Variants in LMBR1 observed in about 807,000 individuals in gnomAD.
LMBR1 encodes the protein limb region 1 protein homolog.
In LMBR1, 52 loss-of-function variants were observed where a neutral mutation model predicts 73.9. That is an observed-to-expected ratio of 0.70 (90% CI 0.56 to 0.89). LMBR1 has a LOEUF of 0.89. Ranked by LOEUF, LMBR1 falls within the 40% of genes least tolerant of loss-of-function variation. LMBR1 has a pLI of 0.00. For missense variants in LMBR1, 539 were observed against 579.8 expected (o/e 0.93, Z 0.72); for synonymous variants, 215 against 209.4 (o/e 1.03, Z -0.23).
At chr7:156,710,610 A>G (rs1188242265) in intron 15 of LMBR1, among the ~76,000 whole-genome samples, 2 of 152,258 alleles carry the variant, frequency 1.3e-5, no homozygotes, top group Admixed American at 1.3e-4. Flanking sequence ...ATTTGAGGGA[A>G]TAACTGAGGA....
intron 4 of LMBR1, among the ~76,000 whole-genome samples, chr7:156,819,316 A>G (rs1180814829): frequency 1.3e-5 from 2 of 152,234 alleles, no homozygotes; most frequent in African/African-American, 4.8e-5. Context: ...AAAAAGCATT[A>G]TCAACACATT....
Position 156,680,689 on chromosome 7 carries a change from A to T in LMBR1, c.*3389T>A, listed in dbSNP as rs1468407772. 1 of 157,410 alleles carries T rather than the reference A, an allele frequency of 6.4e-6. No homozygotes were observed. Among genetic ancestry groups the T allele is most frequent in the Non-Finnish European group, 1.4e-5 (1 of 71,760 alleles). The allele number at this position is 157,410 out of a possible 1,614,324, so 9.8% of individuals were successfully genotyped here. On this transcript the variant is annotated 3_prime_UTR_variant, in exon 17 of 17. Coordinates refer to ENST00000353442, the MANE Select transcript of LMBR1 (RefSeq NM_022458.4). The stretch of plus-strand genomic sequence containing the variant: ...GGTTATAAGAAATTGATCTACCAAT[A>T]ACTGCACAACAGAGAAAGAAAATAT...
chr7:156,888,340 G>A (rs2134588332), intron 1 of LMBR1, among the ~76,000 whole-genome samples: 1 of 151,518 alleles, frequency 6.6e-6, no homozygotes, highest in South Asian at 2.1e-4. Flanking sequence ...AACCGGGGGG[G>A]CGGAGCTTGC....
intron 1 of LMBR1, among the ~76,000 whole-genome samples, chr7:156,882,464 C>T (rs1801241323): frequency 6.6e-6 from 1 of 152,032 alleles, no homozygotes; most frequent in African/African-American, 2.4e-5. Context: ...CAAAATGCAA[C>T]AACATAGATG....
At position 156,672,654 on chromosome 7, in the gene LMBR1, C is replaced by T. The variant is rs564833360; in HGVS notation, n.867-3367G>A. Among the ~76,000 whole-genome samples the T allele has an allele frequency of 6.6e-5, 10 of 152,276 alleles. No homozygotes were observed. The South Asian group carries it at 1.7e-3, about 25-fold the overall frequency. On this transcript the variant is annotated intron_variant and non_coding_transcript_variant, in intron 4 of 4. Transcript: ENST00000430825. Reference sequence around the variant, plus strand: ...TGCTCCAGGCATCCTGTAGAGAGAGCGATACACTCACGTATGATAGAATAT... The same window carrying T: ...TGCTCCAGGCATCCTGTAGAGAGAGTGATACACTCACGTATGATAGAATAT...
intron 10 of LMBR1, among the ~76,000 whole-genome samples, chr7:156,733,380 T>C (rs1233246167): frequency 2.0e-5 from 3 of 152,250 alleles, no homozygotes; most frequent in South Asian, 4.1e-4. Context: ...GTAAGTGTTG[T>C]CATAACTATA....
intron 15 of LMBR1, among the ~76,000 whole-genome samples, chr7:156,717,735 T>G (rs2132276365): frequency 6.6e-6 from 1 of 152,260 alleles, no homozygotes; most frequent in South Asian, 2.1e-4. Flanking sequence ...TTCTTTTAAC[T>G]CTCTCTAGGC....
At chr7:156,872,840 G>A (rs1015796144) in intron 1 of LMBR1, among the ~76,000 whole-genome samples, 4 of 152,158 alleles carry the variant, frequency 2.6e-5, no homozygotes, top group Non-Finnish European at 5.9e-5. Context: ...GTGAACCTTT[G>A]CTCCGGAACT....
chr7:156,692,810 C>A (rs369033025), intron 15 of LMBR1, among the ~76,000 whole-genome samples: 2 of 152,094 alleles, frequency 1.3e-5, no homozygotes, highest in East Asian at 3.9e-4. Context: ...AGCAACTAAT[C>A]AAGAAATGAA....
At chr7:156,759,860 G>A (rs1822638385) in intron 8 of LMBR1, among the ~76,000 whole-genome samples, 1 of 152,208 alleles carries the variant, frequency 6.6e-6, no homozygotes, top group Admixed American at 6.5e-5. Flanking sequence ...CTACTAGTGT[G>A]TCGTTCCCCT....
intron 5 of LMBR1, among the ~76,000 whole-genome samples, chr7:156,786,515 C>T (rs755370548): frequency 3.3e-5 from 5 of 151,990 alleles, no homozygotes; most frequent in South Asian, 2.1e-4. Context: ...TACAGGTAGA[C>T]GAAAATATTA....
At position 156,745,471 on chromosome 7, in the gene LMBR1, T is replaced by C. The variant is rs61586066; in HGVS notation, c.757+10922A>G. Among the ~76,000 whole-genome samples, 154 of 152,350 alleles carry C rather than the reference T, an allele frequency of 1.0e-3. 1 individual carries two copies. The highest frequency in any genetic ancestry group is 3.6e-3 in the African/African-American group (150 of 41,586). On this transcript the variant is annotated intron_variant, in intron 9 of 16. Coordinates refer to ENST00000353442, the MANE Select transcript of LMBR1 (RefSeq NM_022458.4). ...GCTAAAAGGTACAGCAATTCAATTA[T>C]GTTCCTAGGGGCTAGGGACCAACTG...
chr7:156,729,657 T>A (rs181996538), intron 10 of LMBR1, among the ~76,000 whole-genome samples: 481 of 152,150 alleles, frequency 3.2e-3, no homozygotes, highest in African/African-American at 0.011. Flanking sequence ...GTATTTTTAG[T>A]AGAGACAGGG....
At chr7:156,724,613 A>G (rs960706209) in intron 14 of LMBR1, among the ~76,000 whole-genome samples, 1 of 152,158 alleles carries the variant, frequency 6.6e-6, no homozygotes, top group African/African-American at 2.4e-5. Context: ...AAAAAGCACC[A>G]GAAATCCAAA....
chr7:156,886,872 C>T (rs1801991028), intron 1 of LMBR1, among the ~76,000 whole-genome samples: 1 of 152,152 alleles, frequency 6.6e-6, no homozygotes, highest in Admixed American at 6.5e-5. Context: ...AACATTAATG[C>T]TGGTCAGCTG....
intron 8 of LMBR1, 85 bp from the exon 9 acceptor site, chr7:156,756,550 T>C (rs1821915049): frequency 1.4e-6 from 1 of 707,104 alleles, no homozygotes; most frequent in South Asian, 1.6e-5. Flanking sequence ...GGTCAATTTA[T>C]TTTAGGTAAC....
chr7:156,708,512 G>A (rs1811438376), intron 15 of LMBR1, among the ~76,000 whole-genome samples: 2 of 152,188 alleles, frequency 1.3e-5, no homozygotes, highest in African/African-American at 4.8e-5. Context: ...CAAGCCCAGG[G>A]AAGCCATCCC....
intron 10 of LMBR1, among the ~76,000 whole-genome samples, chr7:156,730,483 G>A (rs182629445): frequency 6.6e-6 from 1 of 152,332 alleles, no homozygotes; most frequent in East Asian, 1.9e-4. Flanking sequence ...ACTGAAGCCT[G>A]GCCTTGAATG....
At chr7:156,719,648 C>A (rs1814070496) in intron 15 of LMBR1, among the ~76,000 whole-genome samples, 1 of 152,074 alleles carries the variant, frequency 6.6e-6, no homozygotes, top group African/African-American at 2.4e-5. Context: ...ATCGCCAAGT[C>A]AATCCTAAGC....
Sources: allele counts gnomAD v4.1 joint callset (sites outside exome capture counted in the v4.1 genomes callset), GRCh38; gene constraint gnomAD v4.1.1; transcripts MANE v1.5; gene names NCBI Gene and HGNC (gene_info 2026-07-23, HGNC 2026-07-21).